The following PTK7 variants were observed in gnomAD, a reference collection of about 807,000 sequenced individuals.
PTK7 encodes inactive tyrosine-protein kinase 7.
A neutral mutation model predicts 116.6 loss-of-function variants in PTK7; 39 were observed. The ratio of observed to expected loss-of-function variants is 0.33; its 90% CI spans 0.26 to 0.44. The LOEUF is 0.44. PTK7 is among the 20% of genes least tolerant of loss of function. PTK7 has a pLI of 1.00. For synonymous variants in PTK7, 546 were observed against 563.6 expected (o/e 0.97, Z 0.44); for missense variants, 1,169 against 1,425.6 (o/e 0.82, Z 2.90).
intron 1 of PTK7, among the ~76,000 whole-genome samples, chr6:43,089,960 G>T (rs1766858080): frequency 6.6e-6 from 1 of 152,218 alleles, no homozygotes; most frequent in African/African-American, 2.4e-5. Flanking sequence ...GTGCTCTCAG[G>T]GGTTGTACAG....
intron 1 of PTK7, among the ~76,000 whole-genome samples, chr6:43,095,500 G>A (rs544809057): frequency 1.3e-5 from 2 of 152,156 alleles, no homozygotes; most frequent in African/African-American, 2.4e-5. Context: ...TATGGGTTTC[G>A]GAAAGCATTC....
At chr6:43,134,384 C>T (rs1325737400) in intron 7 of PTK7, among the ~76,000 whole-genome samples, 2 of 152,100 alleles carry the variant, frequency 1.3e-5, no homozygotes, top group African/African-American at 4.8e-5. Flanking sequence ...TGGTGGTTCA[C>T]ACCTATAATC....
rs971283521 is a variant in PTK7 at position 43,145,088 on chromosome 6, C to G, written c.2408-112C>G. ...GGTCACAGCAGAACCGGGTCTCGTG[C>G]CCAGCCCAGGTGGGTGGGTCCCCAC... is the stretch of plus-strand genomic sequence containing the variant. On this transcript the variant is annotated intron_variant, in intron 15 of 19. Coordinates refer to ENST00000230419, the MANE Select transcript of PTK7 (RefSeq NM_002821.5). The surrounding 1 kb of genome is among the most constrained non-coding windows in gnomAD (Gnocchi z 4.8). 56 of 924,794 alleles carry G rather than the reference C, an allele frequency of 6.1e-5. No homozygotes were observed. The African/African-American group carries it at 7.9e-4, about 13-fold the overall frequency. 57.3% of individuals were successfully genotyped at this position (924,794 alleles called of 1,614,324 possible).
chr6:43,099,893 CT>C (rs1035188243), intron 1 of PTK7, among the ~76,000 whole-genome samples: 1 of 150,874 alleles, frequency 6.6e-6, no homozygotes, highest in Admixed American at 6.6e-5. Context: ...GACTCCATCT[CT>C]TTTTTTTTCT....
intron 1 of PTK7, among the ~76,000 whole-genome samples, chr6:43,111,589 C>G (rs1420033667): frequency 6.6e-6 from 1 of 152,214 alleles, no homozygotes; most frequent in African/African-American, 2.4e-5. Context: ...GGCACTGTTT[C>G]ACACTGCTAC....
chr6:43,094,322 G>T (rs552935370), intron 1 of PTK7, among the ~76,000 whole-genome samples: 2 of 152,238 alleles, frequency 1.3e-5, no homozygotes, highest in African/African-American at 4.8e-5. Context: ...TCCCCCTTCA[G>T]TCACGTTGTA....
chr6:43,114,680 T>A (rs1768392883), intron 1 of PTK7, among the ~76,000 whole-genome samples: 1 of 152,162 alleles, frequency 6.6e-6, no homozygotes, highest in Non-Finnish European at 1.5e-5. Flanking sequence ...GGAGCCCTTT[T>A]CTCAGCCGTC....
chr6:43,118,206 G>A (rs1235170791), intron 1 of PTK7, among the ~76,000 whole-genome samples: 1 of 150,642 alleles, frequency 6.6e-6, no homozygotes, highest in Non-Finnish European at 1.5e-5. Context: ...TGTGGCTAGT[G>A]TGACCGAGGA....
chr6:43,112,964 G>A (rs527930113), intron 1 of PTK7, among the ~76,000 whole-genome samples: 43 of 152,292 alleles, frequency 2.8e-4, no homozygotes, highest in African/African-American at 9.4e-4. Context: ...AGGTAACTGG[G>A]ACTATAGGCA....
chr6:43,150,787 C>CTTTTTT lies in PTK7; in HGVS notation c.2721+4113_2721+4118dup, dbSNP rs1176963526. 5.3e-4 allele frequency among the ~76,000 whole-genome samples: 32 copies of CTTTTTT among 60,746 alleles called. 9 individuals carry two copies. The East Asian group carries it at 5.9e-3, about 11-fold the overall frequency. The allele number at this position is 60,746 out of a possible 152,430, so 39.9% of individuals were successfully genotyped here. ...GGTTATTTTAGGGATGTAGACTCAGCTTTTTTTTTTTTTTTTTTTTTTTTT... is the reference window on the plus strand; with the variant it reads ...GGTTATTTTAGGGATGTAGACTCAGCTTTTTTTTTTTTTTTTTTTTTTTTTTTTTTT... On this transcript the variant is annotated intron_variant, in intron 17 of 19. Transcript: ENST00000230419.
chr6:43,115,711 A>G (rs187987626), intron 1 of PTK7, among the ~76,000 whole-genome samples: 165 of 152,094 alleles, frequency 1.1e-3, no homozygotes, highest in African/African-American at 3.5e-3. Flanking sequence ...CGAGATGGGC[A>G]GATTGCTTGA....
chr6:43,091,034 C>T (rs745881053), intron 1 of PTK7, among the ~76,000 whole-genome samples: 1 of 152,182 alleles, frequency 6.6e-6, no homozygotes, highest in Non-Finnish European at 1.5e-5. Context: ...CTGGCTGCCC[C>T]CTCCTTGCTC....
intron 1 of PTK7, among the ~76,000 whole-genome samples, chr6:43,078,689 A>G (rs1032598288): frequency 6.6e-6 from 1 of 152,230 alleles, no homozygotes; most frequent in African/African-American, 2.4e-5. Flanking sequence ...CTGGGTAATT[A>G]TGCCATAAAT....
At chr6:43,142,520 T>TG (rs202127065) in intron 13 of PTK7, 2 of 710,312 alleles carry the variant, frequency 2.8e-6, no homozygotes, top group Non-Finnish European at 4.9e-6. Context: ...TGTGTGTGTG[T>TG]TGTGGGGGAG....
intron 1 of PTK7, among the ~76,000 whole-genome samples, chr6:43,117,980 G>A (rs7774715): frequency 0.11 from 16,644 of 151,422 alleles, 1,477 homozygotes; most frequent in East Asian, 0.32. Context: ...CCTCTATCAG[G>A]CAGAATCCTA....
chr6:43,110,637 T>A lies in PTK7; in HGVS notation c.80-18340T>A, dbSNP rs547774665. The stretch of plus-strand genomic sequence containing the variant: ...CCATGTTAGGCTGGTTTTGAGCTCC[T>A]GTCCTCAGGTGATCCACCCGCCTCG... On this transcript the variant is annotated intron_variant, in intron 1 of 19. Transcript: ENST00000230419. Among the ~76,000 whole-genome samples, 22 of 151,102 alleles carry A rather than the reference T, an allele frequency of 1.5e-4. 1 individual carries two copies. The highest frequency in any genetic ancestry group is 6.3e-4 in the South Asian group (3 of 4,764).
At position 43,131,999 on chromosome 6, in the gene PTK7, C is replaced by T. The variant is rs1381856297; in HGVS notation, c.813-17C>T. ...CCTATTGGCCACTTTCTCCAAATTG[C>T]ACTCTCCCCTCTGCAGCCCCCCACA... On this transcript the variant is annotated splice_polypyrimidine_tract_variant and intron_variant, in intron 5 of 19. Transcript: ENST00000230419. 4 of 1,613,660 alleles carry T rather than the reference C, an allele frequency of 2.5e-6. No homozygotes were observed. The Admixed American group carries it at 6.7e-5, about 27-fold the overall frequency.
At chr6:43,116,604 T>TTTTGTGTG (rs1768538200) in intron 1 of PTK7, among the ~76,000 whole-genome samples, 1 of 119,086 alleles carries the variant, frequency 8.4e-6, no homozygotes, top group Admixed American at 8.2e-5. Flanking sequence ...AAAAGCTGGT[T>TTTTGTGTG]TGTGTGTGTG....
intron 10 of PTK7, among the ~76,000 whole-genome samples, chr6:43,140,006 T>C (rs6916141): frequency 0.21 from 31,407 of 152,002 alleles, 4,179 homozygotes; most frequent in East Asian, 0.37. Context: ...CCCAGCTGCT[T>C]AGGAGGCTGA....
Sources: gnomAD v4.1 joint callset for allele counts (sites outside exome capture counted in the v4.1 genomes callset) on GRCh38, gnomAD v4.1.1 for gene constraint, Gnocchi (gnomAD v3.1) non-coding constraint, MANE v1.5 for transcripts, NCBI Gene and HGNC (gene_info 2026-07-23, HGNC 2026-07-21) for gene names.